Variants in GRTP1 observed in about 807,000 individuals in gnomAD.
GRTP1 encodes growth hormone regulated TBC protein 1.
Under a neutral mutation model 38.1 loss-of-function variants are expected in GRTP1, and 56 were observed. The observed-to-expected ratio is 1.47, with a 90% CI of 1.19 to 1.84. GRTP1 has a LOEUF of 1.84. Ranked by LOEUF, GRTP1 falls within the 40% of genes most tolerant of loss-of-function variation. The pLI, the probability that GRTP1 is intolerant of heterozygous loss-of-function variation, is 0.00. For missense variants in GRTP1, 506 were observed against 453.9 expected (o/e 1.11, Z -1.04); for synonymous variants, 217 against 189.5 (o/e 1.14, Z -1.19).
At position 113,324,447 on chromosome 13, in the gene GRTP1, A is replaced by T. The variant is rs1177314590; in HGVS notation, c.*41T>A. The stretch of plus-strand genomic sequence containing the variant: ...TCCAGTGTCAACTCTGGAAAGGGGC[A>T]TCGTCAGTGTAGAGACGAGCAACGC... On this transcript the variant is annotated 3_prime_UTR_variant, in exon 8 of 8. Transcript: ENST00000375431. 1 of 1,516,616 alleles carries T rather than the reference A, an allele frequency of 6.6e-7. No homozygotes were observed. The highest frequency in any genetic ancestry group is 8.9e-7 in the Non-Finnish European group (1 of 1,129,800). The allele number at this position is 1,516,616 out of a possible 1,614,324, so 93.9% of individuals were successfully genotyped here.
At chr13:113,341,338 C>G (rs751688486) in intron 5 of GRTP1, among the ~76,000 whole-genome samples, 1 of 151,196 alleles carries the variant, frequency 6.6e-6, no homozygotes, top group African/African-American at 2.4e-5. Flanking sequence ...GTGATCTCGG[C>G]TTTCTGCAAC....
At chr13:113,325,253 C>G in intron 7 of GRTP1, 1 of 1,226,642 alleles carries the variant, frequency 8.2e-7, no homozygotes, top group South Asian at 3.1e-5. Flanking sequence ...CAGGCCTGAG[C>G]CTCTCCTGGC....
At chr13:113,330,475 G>A (rs888293092) in intron 5 of GRTP1, among the ~76,000 whole-genome samples, 2 of 121,482 alleles carry the variant, frequency 1.6e-5, no homozygotes, top group Non-Finnish European at 3.5e-5. Context: ...TAAAAACCCA[G>A]GTGTGTGCAT....
chr13:113,324,766 T>C (rs925870664), intron 7 of GRTP1, 189 bp from the exon 8 acceptor site: 3 of 1,353,830 alleles, frequency 2.2e-6, no homozygotes, highest in African/African-American at 1.5e-5. Context: ...GACTGCAGCT[T>C]TGCTGCTCAG....
chr13:113,346,151 G>C lies in GRTP1; in HGVS notation c.466-1192C>G, dbSNP rs1302764602. ...CTGTGGACAAGAGCAGACCCGGGAG[G>C]ACCTCTGTGCCTGACAGTGGACCCG... On this transcript the variant is annotated intron_variant, in intron 4 of 7. Coordinates refer to ENST00000375431, the MANE Select transcript of GRTP1 (RefSeq NM_024719.4). Among the ~76,000 whole-genome samples, 46 of 139,854 alleles carry C rather than the reference G, an allele frequency of 3.3e-4. 2 individuals are homozygous for C. Among genetic ancestry groups the C allele is most frequent in the Non-Finnish European group, 4.8e-4 (31 of 64,500 alleles). 91.7% of individuals were successfully genotyped at this position (139,854 alleles called of 152,430 possible).
At chr13:113,335,064 C>G (rs1406476153) in intron 5 of GRTP1, among the ~76,000 whole-genome samples, 2 of 149,922 alleles carry the variant, frequency 1.3e-5, no homozygotes, top group African/African-American at 4.9e-5. Flanking sequence ...CCTCGCGATC[C>G]GCCTGCCTCA....
At chr13:113,339,169 C>T (rs992338149) in intron 5 of GRTP1, among the ~76,000 whole-genome samples, 2 of 152,166 alleles carry the variant, frequency 1.3e-5, no homozygotes, top group Non-Finnish European at 2.9e-5. Flanking sequence ...CCACCTCAGC[C>T]TCCCAAAGTG....
intron 2 of GRTP1, 60 bp downstream of exon 2, chr13:113,363,702 G>C (rs934222600): frequency 1.2e-5 from 16 of 1,383,156 alleles, no homozygotes; most frequent in East Asian, 7.2e-5. Flanking sequence ...GACTTTGCCC[G>C]GCCCGTCCCA....
chr13:113,346,261 GA>G, intron 4 of GRTP1, among the ~76,000 whole-genome samples: 4 of 96,088 alleles, frequency 4.2e-5, no homozygotes, highest in Admixed American at 1.1e-4. Context: ...GCCGAGAGCA[GA>G]TCCGGGAGGA....
chr13:113,350,897 A>G lies in GRTP1; in HGVS notation c.417T>C (p.Asn139=). The G allele has an allele frequency of 6.2e-7, 1 of 1,601,606 alleles. No homozygotes were observed. Among genetic ancestry groups the G allele is most frequent in the Non-Finnish European group, 8.5e-7 (1 of 1,170,096 alleles). The stretch of plus-strand genomic sequence containing the variant: ...TATGGTGCCCATATGCCAGCAGCAC[A>G]TTGTACAGGGTCCTCTGTAAGCAGG... ...TDPCLQRTLY[N]VLLAYGHHNQ... Residue 139 remains asparagine (N), a synonymous_variant, in exon 4 of 8, where the codon AAT becomes AAC. Coordinates refer to ENST00000375431, the MANE Select transcript of GRTP1 (RefSeq NM_024719.4).
At position 113,342,849 on chromosome 13, in the gene GRTP1, C is replaced by T. The variant is rs1437245852; in HGVS notation, c.562+2014G>A. Among the ~76,000 whole-genome samples, 1 of 152,168 alleles carries T rather than the reference C, an allele frequency of 6.6e-6. No individual in the cohort carries two copies. The highest frequency in any genetic ancestry group is 1.5e-5 in the Non-Finnish European group (1 of 68,036). On this transcript the variant is annotated intron_variant, in intron 5 of 7. Coordinates refer to ENST00000375431, the MANE Select transcript of GRTP1 (RefSeq NM_024719.4). The surrounding 1 kb of genome is among the most constrained non-coding windows in gnomAD (Gnocchi z 4.5). ...TTTGAATCCAGACCTATTTGCATTG[C>T]AGTTTCGTTCAACTTAATCTCATAA...
chr13:113,345,743 G>C (rs1260659928), intron 4 of GRTP1, among the ~76,000 whole-genome samples: 2 of 152,348 alleles, frequency 1.3e-5, no homozygotes, highest in Non-Finnish European at 2.9e-5. Flanking sequence ...ATGTGGCGCT[G>C]TTCACCCGGA....
At chr13:113,357,625 A>G (rs1369669148) in intron 2 of GRTP1, among the ~76,000 whole-genome samples, 1 of 152,166 alleles carries the variant, frequency 6.6e-6, no homozygotes, top group Admixed American at 6.5e-5. Context: ...AAAGACACCA[A>G]TAATTCAGCC....
rs539459295 is a variant in GRTP1 at position 113,333,253 on chromosome 13, G to A, written c.563-7162C>T. On this transcript the variant is annotated intron_variant, in intron 5 of 7. Transcript: ENST00000375431. ...ACGCACAGACCGAAGGGGCCCAAGG[G>A]TTCCTCACGTGTAACCCGGGGCAAT... Among the ~76,000 whole-genome samples the A allele has an allele frequency of 2.0e-4, 31 of 152,274 alleles. 1 individual carries two copies. The South Asian group carries it at 6.0e-3, about 30-fold the overall frequency.
In GRTP1 at chr13:113,343,520, C is replaced by A. The variant is rs886940847; in HGVS notation, c.562+1343G>T. Among the ~76,000 whole-genome samples the A allele has an allele frequency of 6.6e-6, 1 of 152,202 alleles. No individual in the cohort carries two copies. Among genetic ancestry groups the A allele is most frequent in the Non-Finnish European group, 1.5e-5 (1 of 68,036 alleles). On this transcript the variant is annotated intron_variant, in intron 5 of 7. Transcript: ENST00000375431. The surrounding 1 kb of genome is among the most constrained non-coding windows in gnomAD (Gnocchi z 4.8). The stretch of plus-strand genomic sequence containing the variant: ...TTAATGATGCACTTGAGCTTTGCCC[C>A]ATCCGTGAGGACACACACTATGGTC...
chr13:113,358,911 C>A (rs879900555), intron 2 of GRTP1, among the ~76,000 whole-genome samples: 4 of 152,156 alleles, frequency 2.6e-5, no homozygotes, highest in African/African-American at 9.7e-5. Flanking sequence ...CAATCCCATG[C>A]GGTGTTTAGT....
chr13:113,324,236 TCA>T lies in GRTP1; in HGVS notation c.*250_*251del, dbSNP rs1491192327. ...TACTTTATTAGATACAAACCCACAC[TCA>T]CATTTTATATATTATTGATCTCTCA... On this transcript the variant is annotated 3_prime_UTR_variant, in exon 8 of 8. Coordinates refer to ENST00000375431, the MANE Select transcript of GRTP1 (RefSeq NM_024719.4). 4.5e-6 allele frequency: 2 copies of T among 444,792 alleles called. No homozygotes were observed. The highest frequency in any genetic ancestry group is 7.6e-6 in the Non-Finnish European group (2 of 264,668). The allele number at this position is 444,792 out of a possible 1,614,324, so 27.6% of individuals were successfully genotyped here. A position where few individuals can be genotyped will look rare whatever the true frequency, so the allele number is the denominator to read the frequency against.
intron 4 of GRTP1, 116 bp from the exon 5 acceptor site, chr13:113,345,075 C>G: frequency 1.7e-6 from 2 of 1,152,142 alleles, no homozygotes; most frequent in Non-Finnish European, 2.4e-6. Context: ...TCCTTAAAAC[C>G]TGCATAATTG....
At position 113,342,892 on chromosome 13, in the gene GRTP1, G is replaced by A. The variant is rs757937317; in HGVS notation, c.562+1971C>T. Among the ~76,000 whole-genome samples the A allele has an allele frequency of 9.2e-5, 14 of 152,030 alleles. No individual in the cohort carries two copies. The highest frequency in any genetic ancestry group is 1.5e-4 in the Non-Finnish European group (10 of 68,008). On this transcript the variant is annotated intron_variant, in intron 5 of 7. Transcript: ENST00000375431. The surrounding 1 kb of genome is among the most constrained non-coding windows in gnomAD (Gnocchi z 4.5). ...TCTCATAATGAATATCGGAAGTGACGTCGTACGGACTGAAAACGCATCTGT... is the reference window on the plus strand; with the variant it reads ...TCTCATAATGAATATCGGAAGTGACATCGTACGGACTGAAAACGCATCTGT...
Sources: gnomAD v4.1 joint callset for allele counts (sites outside exome capture counted in the v4.1 genomes callset) on GRCh38, gnomAD v4.1.1 for gene constraint, Gnocchi (gnomAD v3.1) non-coding constraint, MANE v1.5 for transcripts, NCBI Gene and HGNC (gene_info 2026-07-23, HGNC 2026-07-21) for gene names.